Variants in ELP4 observed in about 807,000 individuals in gnomAD.
ELP4 encodes the protein elongator acetyltransferase complex subunit 4.
In ELP4, 51 loss-of-function variants were observed where a neutral mutation model predicts 48.9. The ratio of observed to expected loss-of-function variants is 1.04; its 90% CI spans 0.83 to 1.32. The LOEUF (loss-of-function observed/expected upper bound fraction) is 1.32, where lower values mean the gene tolerates loss of function less well. Among genes scored for constraint, ELP4 ranks in the 40% most tolerant of loss-of-function variants. The pLI, the probability that ELP4 is intolerant of heterozygous loss-of-function variation, is 0.00. For missense variants in ELP4, 519 were observed against 514.6 expected, an observed-to-expected ratio of 1.01 and a Z score of -0.08; for synonymous variants, 210 against 189.2, an observed-to-expected ratio of 1.11 and a Z score of -0.90.
intron 3 of ELP4, among the ~76,000 whole-genome samples, chr11:31,546,993 G>T (rs1592103686): frequency 6.6e-6 from 1 of 151,964 alleles, no homozygotes; most frequent in Non-Finnish European, 1.5e-5. Flanking sequence ...GCAGTGTGTA[G>T]AGGGAAATTT....
intron 6 of ELP4, among the ~76,000 whole-genome samples, chr11:31,628,694 A>G (rs902088129): frequency 6.6e-6 from 1 of 152,102 alleles, no homozygotes; most frequent in Non-Finnish European, 1.5e-5. Context: ...AGACATTCCT[A>G]TGGTGAATAC....
rs1490408088 is a variant in ELP4, at chr11:31,694,328, T to C, written c.1143+44107T>C. The stretch of plus-strand genomic sequence containing the variant: ...ATGTAAGTCTTTAATCCAGCTTGAA[T>C]TAATTTTTGTATAAGGTGTAAGGAA... On this transcript the variant is annotated intron_variant, in intron 9 of 9. Transcript: ENST00000640961. 2.0e-5 allele frequency among the ~76,000 whole-genome samples: 3 copies of C among 152,210 alleles called. No individual in the cohort carries two copies. The East Asian group carries it at 5.8e-4, about 29-fold the overall frequency.
chr11:31,685,302 G>A (rs940336052), intron 9 of ELP4, among the ~76,000 whole-genome samples: 1 of 152,084 alleles, frequency 6.6e-6, no homozygotes, highest in African/African-American at 2.4e-5. Flanking sequence ...AGTGAGCTGA[G>A]ATCGCGCCAT....
chr11:31,661,937 A>T (rs7482884), intron 9 of ELP4, among the ~76,000 whole-genome samples: 95,895 of 151,300 alleles, frequency 0.63, 32,807 homozygotes, highest in Non-Finnish European at 0.76. Flanking sequence ...AAAGTAACTG[A>T]TACCACTTCC....
intron 5 of ELP4, among the ~76,000 whole-genome samples, chr11:31,605,651 A>C (rs1347950086): frequency 6.6e-6 from 1 of 152,126 alleles, no homozygotes; most frequent in Non-Finnish European, 1.5e-5. Context: ...TATTTTAAGG[A>C]CAATACTTTT....
In ELP4 at chr11:31,789,522, A is replaced by G; in HGVS notation, c.*5998A>G. ...ACAGATGGGTAGAAGTATTCGATATATCTTGATAAAACTCTTAAATTCGTG... is the reference window on the plus strand; with the variant it reads ...ACAGATGGGTAGAAGTATTCGATATGTCTTGATAAAACTCTTAAATTCGTG... On this transcript the variant is annotated 3_prime_UTR_variant, in exon 10 of 10. Transcript: ENST00000640961. The G allele has an allele frequency of 1.7e-6, 1 of 597,118 alleles. No individual in the cohort carries two copies. The highest frequency in any genetic ancestry group is 2.1e-5 in the South Asian group (1 of 46,694). 37.0% of individuals were successfully genotyped at this position (597,118 alleles called of 1,614,324 possible).
chr11:31,617,663 C>A (rs1320152364), intron 5 of ELP4, among the ~76,000 whole-genome samples: 4 of 146,978 alleles, frequency 2.7e-5, no homozygotes, highest in African/African-American at 1.0e-4. Context: ...GAAGATAAAT[C>A]AAAACCAAAC....
intron 9 of ELP4, among the ~76,000 whole-genome samples, chr11:31,703,336 G>A (rs925213026): frequency 1.3e-5 from 2 of 152,138 alleles, no homozygotes; most frequent in Non-Finnish European, 2.9e-5. Context: ...AAACAGTTAT[G>A]ACACCTTTTC....
chr11:31,627,215 CT>C, intron 6 of ELP4, 21 bp downstream of exon 6: 1 of 814,466 alleles, frequency 1.2e-6, no homozygotes, highest in African/African-American at 2.2e-5. Flanking sequence ...GCTTCAAAGT[CT>C]TTTATAATTA....
chr11:31,716,200 A>T (rs1297361436), intron 9 of ELP4, among the ~76,000 whole-genome samples: 1 of 152,032 alleles, frequency 6.6e-6, no homozygotes. Context: ...TTTGGTAGAG[A>T]CAAGATTTTG....
intron 7 of ELP4, among the ~76,000 whole-genome samples, chr11:31,643,418 ACTT>A (rs1290449091): frequency 6.6e-6 from 1 of 151,864 alleles, no homozygotes; most frequent in Non-Finnish European, 1.5e-5. Context: ...TTGGTTAATT[ACTT>A]CTTAATCCTC....
At chr11:31,632,446 A>G (rs2134046701) in intron 7 of ELP4, 41 bp downstream of exon 7, 1 of 1,495,332 alleles carries the variant, frequency 6.7e-7, no homozygotes, top group African/African-American at 1.4e-5. Context: ...ATTCATAGTA[A>G]TATAGTATGA....
intron 5 of ELP4, among the ~76,000 whole-genome samples, chr11:31,615,592 A>G (rs1166722789): frequency 2.0e-5 from 3 of 152,048 alleles, no homozygotes; most frequent in Non-Finnish European, 4.4e-5. Flanking sequence ...TCTGAACACA[A>G]TCAGCTTTTT....
intron 9 of ELP4, among the ~76,000 whole-genome samples, chr11:31,755,730 CAAAA>C (rs58181247): frequency 3.0e-5 from 3 of 99,244 alleles, no homozygotes; most frequent in Non-Finnish European, 4.6e-5. Context: ...CCTGGAATTA[CAAAA>C]AAAAAAAAAA....
intron 9 of ELP4, chr11:31,714,940 C>A (rs1946812273): frequency 2.5e-6 from 1 of 396,892 alleles, no homozygotes; most frequent in East Asian, 3.6e-5. Flanking sequence ...CACCTTAATT[C>A]CTCTTTGCCA....
At chr11:31,750,983 T>A (rs1037452403) in intron 9 of ELP4, among the ~76,000 whole-genome samples, 1 of 152,212 alleles carries the variant, frequency 6.6e-6, no homozygotes. Context: ...GGCTCCAGTA[T>A]TTAACACCTC....
At chr11:31,680,906 A>G (rs1946038529) in intron 9 of ELP4, among the ~76,000 whole-genome samples, 1 of 152,212 alleles carries the variant, frequency 6.6e-6, no homozygotes, top group African/African-American at 2.4e-5. Context: ...AATATAATTA[A>G]TTTATCCTGA....
At chr11:31,743,136 G>T (rs575756454) in intron 9 of ELP4, among the ~76,000 whole-genome samples, 33 of 152,040 alleles carry the variant, frequency 2.2e-4, no homozygotes, top group Non-Finnish European at 4.3e-4. Flanking sequence ...AACCAACAAA[G>T]ACCAAAAGAG....
intron 5 of ELP4, among the ~76,000 whole-genome samples, chr11:31,608,317 T>C (rs1033141703): frequency 3.3e-5 from 5 of 151,978 alleles, no homozygotes; most frequent in African/African-American, 7.2e-5. Context: ...TCAGAGGTCC[T>C]GAATGAGTTG....
Sources: allele counts gnomAD v4.1 joint callset (sites outside exome capture counted in the v4.1 genomes callset), GRCh38; gene constraint gnomAD v4.1.1; transcripts MANE v1.5; gene names NCBI Gene and HGNC (gene_info 2026-07-23, HGNC 2026-07-21).